The following EIF4ENIF1 variants were observed in gnomAD, a reference collection of about 807,000 sequenced individuals.
The protein encoded by EIF4ENIF1 is eukaryotic translation initiation factor 4E nuclear import factor 1, also known as eukaryotic translation initiation factor 4E transporter.
Under a neutral mutation model 110.5 loss-of-function variants are expected in EIF4ENIF1, and 23 were observed. The ratio of observed to expected loss-of-function variants is 0.21; its 90% CI spans 0.15 to 0.29. The LOEUF (loss-of-function observed/expected upper bound fraction) is 0.29. Ranked by LOEUF, EIF4ENIF1 falls within the 10% of genes least tolerant of loss-of-function variation. The pLI, the probability that EIF4ENIF1 is intolerant of heterozygous loss-of-function variation, is 1.00. For synonymous variants in EIF4ENIF1, 440 were observed against 437.0 expected (o/e 1.01, Z -0.09); for missense variants, 1,031 against 1,221.1 (o/e 0.84, Z 2.32).
chr22:31,471,600 C>T (rs1279644400), intron 3 of EIF4ENIF1, among the ~76,000 whole-genome samples: 1 of 152,208 alleles, frequency 6.6e-6, no homozygotes, highest in African/African-American at 2.4e-5. Flanking sequence ...AGGCATAAGC[C>T]ACCATGCCCT....
chr22:31,486,507 AGT>A (rs987266918), intron 2 of EIF4ENIF1, among the ~76,000 whole-genome samples: 1 of 151,708 alleles, frequency 6.6e-6, no homozygotes, highest in Admixed American at 6.6e-5. Context: ...GGCCAGGTGC[AGT>A]GGCTCACACG....
At chr22:31,447,312 C>T (rs1214435076) in intron 14 of EIF4ENIF1, 114 bp downstream of exon 14, 5 of 1,254,856 alleles carry the variant, frequency 4.0e-6, no homozygotes, top group Non-Finnish European at 5.5e-6. Context: ...GAATTTCTAC[C>T]ACATACTGAA....
intron 4 of EIF4ENIF1, among the ~76,000 whole-genome samples, chr22:31,466,328 G>A (rs1018295747): frequency 5.9e-5 from 9 of 152,044 alleles, no homozygotes; most frequent in South Asian, 4.1e-4. Context: ...CGCGACAATC[G>A]CTTGAACCCG....
intron 10 of EIF4ENIF1, among the ~76,000 whole-genome samples, chr22:31,451,977 T>C (rs1277669171): frequency 6.6e-6 from 1 of 152,236 alleles, no homozygotes; most frequent in Non-Finnish European, 1.5e-5. Context: ...TATTTTATTG[T>C]TGATTTTGGA....
At position 31,463,765 on chromosome 22, in the gene EIF4ENIF1, C is replaced by T. The variant is rs772942801; in HGVS notation, c.501G>A (p.Glu167=). The T allele has an allele frequency of 1.1e-5, 18 of 1,613,386 alleles. No homozygotes were observed. In the Admixed American group the frequency reaches 1.7e-4, roughly 15 times the overall value. ...CCTTATCGCTAAGACGGTGATCCTT[C>T]TCAAAGGTCCGGGCAGAGATTATCC... ...SGRIISARTF[E]KDHRLSDKDL... Residue 167 remains glutamate (E), a synonymous_variant, in exon 5 of 19, where the codon GAG becomes GAA. Coordinates refer to ENST00000330125, the MANE Select transcript of EIF4ENIF1 (RefSeq NM_019843.4).
At chr22:31,449,574 T>C in intron 11 of EIF4ENIF1, 43 bp from the exon 12 acceptor site, 2 of 1,574,138 alleles carry the variant, frequency 1.3e-6, no homozygotes, top group Non-Finnish European at 1.7e-6. Flanking sequence ...TAGTTATTCC[T>C]TCTACTCAGA....
intron 12 of EIF4ENIF1, among the ~76,000 whole-genome samples, chr22:31,448,513 C>T (rs2050547835): frequency 6.6e-6 from 1 of 152,202 alleles, no homozygotes; most frequent in South Asian, 2.1e-4. Context: ...AGCAGTTTGT[C>T]CCGTTATCAC....
At chr22:31,469,129 T>C (rs1253819447) in intron 3 of EIF4ENIF1, among the ~76,000 whole-genome samples, 1 of 152,172 alleles carries the variant, frequency 6.6e-6, no homozygotes, top group Non-Finnish European at 1.5e-5. Flanking sequence ...CTCTGTGTAA[T>C]GATGGGGTGG....
Position 31,439,670 on chromosome 22 carries a change from T to C in EIF4ENIF1, c.*210A>G, listed in dbSNP as rs2050231840. 3 of 638,084 alleles carry C rather than the reference T, an allele frequency of 4.7e-6. No individual in the cohort carries two copies. The East Asian group carries it at 9.0e-5, about 19-fold the overall frequency. 39.5% of individuals were successfully genotyped at this position (638,084 alleles called of 1,614,324 possible). A position where few individuals can be genotyped will look rare whatever the true frequency, so the allele number is the denominator to read the frequency against. On this transcript the variant is annotated 3_prime_UTR_variant, in exon 19 of 19. Coordinates refer to ENST00000330125, the MANE Select transcript of EIF4ENIF1 (RefSeq NM_019843.4). ...AGACCATTTCCAGGATTGACAACAT[T>C]GTGCATCCTGTATTCAGACAATGTA...
chr22:31,453,564 C>T (rs572007097), intron 10 of EIF4ENIF1, among the ~76,000 whole-genome samples: 4 of 151,768 alleles, frequency 2.6e-5, no homozygotes, highest in South Asian at 2.1e-4. Flanking sequence ...GTAGAGATGG[C>T]GTTTCACCAT....
rs951085138 is a variant in EIF4ENIF1, at chr22:31,443,221, T to C, written c.2074-127A>G. On this transcript the variant is annotated intron_variant, in intron 15 of 18. Coordinates refer to ENST00000330125, the MANE Select transcript of EIF4ENIF1 (RefSeq NM_019843.4). ...TTGGTAGCATAGGCCAACTGTAGTATTCTGTTCTGTAGCTGCTGGAGGAAA... is the reference window on the plus strand; with the variant it reads ...TTGGTAGCATAGGCCAACTGTAGTACTCTGTTCTGTAGCTGCTGGAGGAAA... 11 of 1,337,058 alleles carry C rather than the reference T, an allele frequency of 8.2e-6. No homozygotes were observed. The African/African-American group carries it at 8.9e-5, about 11-fold the overall frequency. The allele number at this position is 1,337,058 out of a possible 1,614,324, so 82.8% of individuals were successfully genotyped here.
intron 4 of EIF4ENIF1, among the ~76,000 whole-genome samples, chr22:31,465,037 T>C (rs1471250634): frequency 6.6e-6 from 1 of 151,898 alleles, no homozygotes; most frequent in African/African-American, 2.4e-5. Flanking sequence ...ATAAAATCTC[T>C]TAATAAACCA....
chr22:31,464,220 C>A, intron 4 of EIF4ENIF1: 1 of 417,248 alleles, frequency 2.4e-6, no homozygotes. Context: ...CTTTGCAGTG[C>A]CTTTATTTTG....
intron 8 of EIF4ENIF1, 80 bp from the exon 9 acceptor site, chr22:31,455,395 C>CTT (rs67838369): frequency 4.7e-3 from 3,759 of 803,224 alleles, no homozygotes; most frequent in South Asian, 5.8e-3. Context: ...TTCTTTCTTT[C>CTT]TTTTTTTTTT....
chr22:31,468,701 C>T (rs2051271405), intron 3 of EIF4ENIF1, among the ~76,000 whole-genome samples: 1 of 152,058 alleles, frequency 6.6e-6, no homozygotes, highest in Admixed American at 6.6e-5. Flanking sequence ...AGCCAGAAAC[C>T]CATTTCTAAA....
chr22:31,474,675 A>G (rs575771277), intron 2 of EIF4ENIF1, among the ~76,000 whole-genome samples: 2 of 152,246 alleles, frequency 1.3e-5, no homozygotes, highest in Middle Eastern at 3.4e-3. Context: ...GAGTTAGGAA[A>G]TATACACACT....
Position 31,456,859 on chromosome 22 carries a change from T to C in EIF4ENIF1, c.964-872A>G, listed in dbSNP as rs1357149734. Among the ~76,000 whole-genome samples the C allele has an allele frequency of 2.0e-5, 3 of 152,220 alleles. No homozygotes were observed. The South Asian group carries it at 6.2e-4, about 31-fold the overall frequency. ...AAGCCTCTATGCTACAAAAAGGTTTTTGGGTTTCTATCCTTTGCCTCAGGA... is the reference window on the plus strand; with the variant it reads ...AAGCCTCTATGCTACAAAAAGGTTTCTGGGTTTCTATCCTTTGCCTCAGGA... On this transcript the variant is annotated intron_variant, in intron 7 of 18. Transcript: ENST00000330125.
At chr22:31,478,103 C>G (rs916695346) in intron 2 of EIF4ENIF1, among the ~76,000 whole-genome samples, 1 of 152,190 alleles carries the variant, frequency 6.6e-6, no homozygotes, top group African/African-American at 2.4e-5. Context: ...AAAACTTCCT[C>G]ACTGTTTACA....
intron 5 of EIF4ENIF1, 148 bp from the exon 6 acceptor site, chr22:31,463,281 G>C: frequency 1.4e-6 from 1 of 733,864 alleles, no homozygotes; most frequent in South Asian, 1.9e-5. Flanking sequence ...CTTCCTCCCT[G>C]ACTGGTTTAA....
Sources: allele counts gnomAD v4.1 joint callset (sites outside exome capture counted in the v4.1 genomes callset), GRCh38; gene constraint gnomAD v4.1.1; transcripts MANE v1.5; gene names NCBI Gene and HGNC (gene_info 2026-07-23, HGNC 2026-07-21).